Variants in TACR1 observed in about 807,000 individuals in gnomAD.
TACR1 encodes the protein tachykinin receptor 1.
Under a neutral mutation model 35.8 loss-of-function variants are expected in TACR1, and 25 were observed. The ratio of observed to expected loss-of-function variants is 0.70; its 90% CI spans 0.51 to 0.98. TACR1 has a LOEUF of 0.98. Ranked by LOEUF, TACR1 falls within the 50% of genes least tolerant of loss-of-function variation. The probability of loss-of-function intolerance (pLI) is 0.00; values close to 1 mark genes in which losing one functional copy is unlikely to be tolerated. For synonymous variants in TACR1, 195 were observed against 206.7 expected (o/e 0.94, Z 0.48); for missense variants, 478 against 522.9 (o/e 0.91, Z 0.84).
At chr2:75,150,406 T>C (rs1175837553) in intron 1 of TACR1, among the ~76,000 whole-genome samples, 1 of 152,156 alleles carries the variant, frequency 6.6e-6, no homozygotes, top group Non-Finnish European at 1.5e-5. Context: ...GGGGAGGTAA[T>C]TGAATCATAG....
intron 2 of TACR1, among the ~76,000 whole-genome samples, chr2:75,079,586 C>T (rs1673042909): frequency 2.0e-5 from 3 of 152,102 alleles, no homozygotes; most frequent in African/African-American, 7.2e-5. Context: ...AATTTGTTGC[C>T]AAAAATACCT....
chr2:75,067,093 G>A (rs1672777704), intron 2 of TACR1, among the ~76,000 whole-genome samples: 1 of 152,212 alleles, frequency 6.6e-6, no homozygotes, highest in African/African-American at 2.4e-5. Flanking sequence ...GGGTCCGAGG[G>A]GAGCAGTGGG....
chr2:75,156,563 A>G (rs1456141571), intron 1 of TACR1, among the ~76,000 whole-genome samples: 1 of 147,270 alleles, frequency 6.8e-6, no homozygotes, highest in African/African-American at 2.5e-5. Context: ...AGATCATGCC[A>G]CTGCCCTCCA....
At chr2:75,140,052 A>C (rs1407052750) in intron 1 of TACR1, among the ~76,000 whole-genome samples, 1 of 152,216 alleles carries the variant, frequency 6.6e-6, no homozygotes, top group Non-Finnish European at 1.5e-5. Flanking sequence ...GCCTCATCAT[A>C]TGAAGCAGTC....
At chr2:75,123,763 G>A (rs1014875450) in intron 1 of TACR1, among the ~76,000 whole-genome samples, 10 of 151,328 alleles carry the variant, frequency 6.6e-5, no homozygotes, top group African/African-American at 1.9e-4. Context: ...TCTGGGGCTC[G>A]TTTAACATGT....
At chr2:75,154,414 A>ACGCGCGCGCGCG (rs1558572302) in intron 1 of TACR1, 4 of 81,176 alleles carry the variant, frequency 4.9e-5, no homozygotes, top group African/African-American at 1.6e-4. Context: ...GCGCACGCAC[A>ACGCGCGCGCGCG]CACACACACA....
At position 75,048,954 on chromosome 2, in the gene TACR1, G is replaced by A. The variant is rs12713828; in HGVS notation, c.*478C>T. ...GCTAAATTTTTCATTTAGATGTTATGTGGTGCCTTCTTTTGTTCACCCTGT... is the reference window on the plus strand; with the variant it reads ...GCTAAATTTTTCATTTAGATGTTATATGGTGCCTTCTTTTGTTCACCCTGT... On this transcript the variant is annotated 3_prime_UTR_variant, in exon 5 of 5. Transcript: ENST00000305249. The A allele has an allele frequency of 0.39, 61,269 of 155,870 alleles. 12,490 individuals carry two copies. Among genetic ancestry groups the A allele is most frequent in the Middle Eastern group, 0.63 (187 of 298 alleles). 9.7% of individuals were successfully genotyped at this position (155,870 alleles called of 1,614,324 possible). A position where few individuals can be genotyped will look rare whatever the true frequency, so the allele number is the denominator to read the frequency against.
chr2:75,191,751 C>G (rs757787357), intron 1 of TACR1, among the ~76,000 whole-genome samples: 1 of 152,150 alleles, frequency 6.6e-6, no homozygotes, highest in African/African-American at 2.4e-5. Flanking sequence ...GTGTGCTATA[C>G]GGTCTGCTTG....
At position 75,197,471 on chromosome 2, in the gene TACR1, G is replaced by T. The variant is rs149880963; in HGVS notation, c.389+1075C>A. 2.2e-3 allele frequency among the ~76,000 whole-genome samples: 335 copies of T among 152,240 alleles called. 1 individual carries two copies. The highest frequency in any genetic ancestry group is 7.7e-3 in the African/African-American group (318 of 41,526). On this transcript the variant is annotated intron_variant, in intron 1 of 4. Transcript: ENST00000305249. ...AAGACTCCATTTTAAAATCACAGTG[G>T]TAGGTGTTTTAAGCATACTTTCACA...
At chr2:75,144,367 C>T (rs1572955036) in intron 1 of TACR1, among the ~76,000 whole-genome samples, 1 of 152,318 alleles carries the variant, frequency 6.6e-6, no homozygotes, top group Middle Eastern at 3.4e-3. Context: ...CTTCCTGCTC[C>T]TCACAGCCAA....
intron 2 of TACR1, among the ~76,000 whole-genome samples, chr2:75,080,460 G>C (rs1390066222): frequency 6.6e-6 from 1 of 152,000 alleles, no homozygotes; most frequent in Non-Finnish European, 1.5e-5. Flanking sequence ...TGTCCCATTG[G>C]GTCAGTTATA....
At chr2:75,173,825 G>T in intron 1 of TACR1, among the ~76,000 whole-genome samples, 1 of 152,216 alleles carries the variant, frequency 6.6e-6, no homozygotes, top group Admixed American at 6.5e-5. Context: ...GTTAAGTCAA[G>T]AGAAAGGCAG....
At chr2:75,154,488 CCA>C (rs71245356) in intron 1 of TACR1, 1,411 of 53,474 alleles carry the variant, frequency 0.026, 82 homozygotes, top group African/African-American at 0.059. Context: ...CACTAACCCA[CCA>C]CACACACACA....
At chr2:75,188,169 G>A (rs1261011683) in intron 1 of TACR1, 1 of 152,224 alleles carries the variant, frequency 6.6e-6, no homozygotes, top group Non-Finnish European at 1.5e-5. Context: ...ATTTCCCCTT[G>A]GCTCCCTGGG....
rs1675050204 is a variant in TACR1, at chr2:75,163,031, G to A, written c.389+35515C>T. ...TCTAACCAACAAAATGTGAGTGAAAGTGATGTGTGCCACTTCCTGGCTAAG... is the reference window on the plus strand; with the variant it reads ...TCTAACCAACAAAATGTGAGTGAAAATGATGTGTGCCACTTCCTGGCTAAG... On this transcript the variant is annotated intron_variant, in intron 1 of 4. Coordinates refer to ENST00000305249, the MANE Select transcript of TACR1 (RefSeq NM_001058.4). Among the ~76,000 whole-genome samples, 5 of 152,340 alleles carry A rather than the reference G, an allele frequency of 3.3e-5. 1 individual carries two copies. In the South Asian group the frequency reaches 1.0e-3, roughly 32 times the overall value.
intron 2 of TACR1, among the ~76,000 whole-genome samples, chr2:75,115,212 A>G (rs1293199186): frequency 6.8e-6 from 1 of 146,450 alleles, no homozygotes; most frequent in Non-Finnish European, 1.5e-5. Flanking sequence ...ATATATATGA[A>G]TGACTATTAA....
chr2:75,160,670 C>T (rs529424292), intron 1 of TACR1, among the ~76,000 whole-genome samples: 26 of 150,236 alleles, frequency 1.7e-4, no homozygotes, highest in Non-Finnish European at 2.8e-4. Flanking sequence ...AGTTGCTCCA[C>T]AATGAAAAGG....
chr2:75,055,144 G>T (rs1672545092), intron 2 of TACR1, among the ~76,000 whole-genome samples: 1 of 152,234 alleles, frequency 6.6e-6, no homozygotes, highest in African/African-American at 2.4e-5. Flanking sequence ...TTTATGCAAT[G>T]ATTTTCTTCC....
chr2:75,062,806 T>C (rs1039048229), intron 2 of TACR1, among the ~76,000 whole-genome samples: 2 of 152,250 alleles, frequency 1.3e-5, no homozygotes, highest in African/African-American at 2.4e-5. Flanking sequence ...TCAGGTATCA[T>C]AGTTTTTGCC....
Sources: gnomAD v4.1 joint callset for allele counts (sites outside exome capture counted in the v4.1 genomes callset) on GRCh38, gnomAD v4.1.1 for gene constraint, MANE v1.5 for transcripts, NCBI Gene and HGNC (gene_info 2026-07-23, HGNC 2026-07-21) for gene names.